Variants in OSBPL3 observed in about 807,000 individuals in gnomAD.
OSBPL3 encodes the protein oxysterol binding protein like 3.
OSBPL3 carries 65 observed loss-of-function variants against 120.1 expected under a neutral mutation model. The ratio of observed to expected loss-of-function variants is 0.54; its 90% CI spans 0.44 to 0.67. The LOEUF is 0.67. Among genes scored for constraint, OSBPL3 ranks in the 30% least tolerant of loss-of-function variants. OSBPL3 has a pLI of 0.00. For synonymous variants in OSBPL3, 416 were observed against 402.6 expected, an observed-to-expected ratio of 1.03 and a Z score of -0.40; for missense variants, 1,004 against 1,082.1, an observed-to-expected ratio of 0.93 and a Z score of 1.01.
Position 24,851,692 on chromosome 7 carries a change from T to C in OSBPL3, c.1158+812A>G, listed in dbSNP as rs533893786. Reference sequence around the variant, plus strand: ...AGAAAAGAGTAAAAGCAAATCAGTATGCTATTTCAAAAGTTCTCTAGCCTC... The same window carrying C: ...AGAAAAGAGTAAAAGCAAATCAGTACGCTATTTCAAAAGTTCTCTAGCCTC... On this transcript the variant is annotated intron_variant, in intron 11 of 22. Transcript: ENST00000313367. This position sits in a 1 kb window ranked among gnomAD's most constrained non-coding sequence, Gnocchi z 4.1. 6.6e-6 allele frequency among the ~76,000 whole-genome samples: 1 copy of C among 151,814 alleles called. No individual in the cohort carries two copies. Among genetic ancestry groups the C allele is most frequent in the African/African-American group, 2.4e-5 (1 of 41,324 alleles).
chr7:24,835,080 A>T lies in OSBPL3; in HGVS notation c.1496-344T>A, dbSNP rs1473358689. 6.6e-6 allele frequency among the ~76,000 whole-genome samples: 1 copy of T among 152,230 alleles called. No individual in the cohort carries two copies. The highest frequency in any genetic ancestry group is 1.5e-5 in the Non-Finnish European group (1 of 68,036). On this transcript the variant is annotated intron_variant, in intron 14 of 22. Transcript: ENST00000313367. This position sits in a 1 kb window ranked among gnomAD's most constrained non-coding sequence, Gnocchi z 4.8. ...TAAAAACTTGTAAACTTTTTAAAAA[A>T]TCACTTTAAATTCTGGTAAAACAAT...
Position 24,966,355 on chromosome 7 carries a change from T to C in OSBPL3, c.-150+13531A>G, listed in dbSNP as rs1425756743. 6.6e-6 allele frequency among the ~76,000 whole-genome samples: 1 copy of C among 152,184 alleles called. No individual in the cohort carries two copies. Among genetic ancestry groups the C allele is most frequent in the Non-Finnish European group, 1.5e-5 (1 of 68,040 alleles). ...GGCAGTCATCTAATATAAAGATCTATCTACACCTAGCTACACACACCCAGG... is the reference window on the plus strand; with the variant it reads ...GGCAGTCATCTAATATAAAGATCTACCTACACCTAGCTACACACACCCAGG... On this transcript the variant is annotated intron_variant, in intron 1 of 22. Coordinates refer to ENST00000313367, the MANE Select transcript of OSBPL3 (RefSeq NM_015550.4). The surrounding 1 kb of genome is among the most constrained non-coding windows in gnomAD (Gnocchi z 4.8).
Position 24,952,820 on chromosome 7 carries a change from T to C in OSBPL3, c.-150+27066A>G, listed in dbSNP as rs1365816761. ...AAATATTTCCCTACCCAATTCCCTA[T>C]CAACCCCGCTTCCCCTCCCCAATCT... is the stretch of plus-strand genomic sequence containing the variant. On this transcript the variant is annotated intron_variant, in intron 1 of 22. Coordinates refer to ENST00000313367, the MANE Select transcript of OSBPL3 (RefSeq NM_015550.4). This position sits in a 1 kb window ranked among gnomAD's most constrained non-coding sequence, Gnocchi z 4.4. Among the ~76,000 whole-genome samples the C allele has an allele frequency of 6.6e-6, 1 of 152,136 alleles. No homozygotes were observed. The highest frequency in any genetic ancestry group is 2.4e-5 in the African/African-American group (1 of 41,432).
At position 24,806,828 on chromosome 7, in the gene OSBPL3, A is replaced by G; in HGVS notation, c.2392T>C (p.Ser798Pro). Residue 798 changes from serine to proline, a missense_variant, in exon 21 of 23, where the codon TCA becomes CCA. Ser to Pro is a moderately conservative substitution (Grantham distance 74). Coordinates refer to ENST00000313367, the MANE Select transcript of OSBPL3 (RefSeq NM_015550.4). This position sits in a 1 kb window ranked among gnomAD's most constrained non-coding sequence, Gnocchi z 5.2. Reference protein sequence around the residue: ...FALELNEMDPSSKSLLPPTDT... With the variant: ...FALELNEMDPPSKSLLPPTDT... ...GTAGGTGGCAATAAAGACTTTGATG[A>G]TGGATCCATTTCATTTAATTCCAGC... The G allele has an allele frequency of 6.2e-7, 1 of 1,613,800 alleles. No homozygotes were observed. The highest frequency in any genetic ancestry group is 1.1e-5 in the South Asian group (1 of 91,068).
chr7:24,904,282 T>A (rs527976164), intron 1 of OSBPL3, among the ~76,000 whole-genome samples: 1 of 152,092 alleles, frequency 6.6e-6, no homozygotes, highest in Non-Finnish European at 1.5e-5. Flanking sequence ...AAAAGTACAG[T>A]TGAAATGTTA....
At chr7:24,842,493 A>G in intron 12 of OSBPL3, 80 bp from the exon 13 acceptor site, 1 of 1,104,818 alleles carries the variant, frequency 9.1e-7, no homozygotes, top group Middle Eastern at 2.3e-4. Context: ...TAGTTGTACA[A>G]TACACAAGGT....
intron 1 of OSBPL3, among the ~76,000 whole-genome samples, chr7:24,942,270 AAC>A (rs1813192006): frequency 6.6e-6 from 1 of 152,194 alleles, no homozygotes; most frequent in African/African-American, 2.4e-5. Context: ...AGTCAATCTA[AAC>A]ATAGGTATTC....
rs905582011 is a variant in OSBPL3, at chr7:24,930,465, T to C, written c.-149-37844A>G. Among the ~76,000 whole-genome samples the C allele has an allele frequency of 1.3e-5, 2 of 152,200 alleles. No homozygotes were observed. The highest frequency in any genetic ancestry group is 4.8e-5 in the African/African-American group (2 of 41,448). ...ATGCCAAGAAAAAAAAAGTAAACTT[T>C]TTATTGCTGACAGCAAAAAAGACAC... On this transcript the variant is annotated intron_variant, in intron 1 of 22. Transcript: ENST00000313367. The surrounding 1 kb of genome is among the most constrained non-coding windows in gnomAD (Gnocchi z 4.4).
In OSBPL3 at chr7:24,900,691, G is replaced by T. The variant is rs2128375985; in HGVS notation, c.-149-8070C>A. ...ACTAAAAGACAGAGTTGGCTGGCCA[G>T]GCGTGGTGGCTCATGCCTGTAATCC... On this transcript the variant is annotated intron_variant, in intron 1 of 22. Coordinates refer to ENST00000313367, the MANE Select transcript of OSBPL3 (RefSeq NM_015550.4). The surrounding 1 kb of genome is among the most constrained non-coding windows in gnomAD (Gnocchi z 4.5). Among the ~76,000 whole-genome samples the T allele has an allele frequency of 6.6e-6, 1 of 152,334 alleles. No individual in the cohort carries two copies. The highest frequency in any genetic ancestry group is 3.4e-3 in the Middle Eastern group (1 of 294).
At chr7:24,979,766 G>A (rs1372111240) in intron 1 of OSBPL3, 120 bp downstream of exon 1, 2 of 519,650 alleles carry the variant, frequency 3.8e-6, no homozygotes, top group South Asian at 8.0e-5. Flanking sequence ...GGGCGACTCG[G>A]ACAGACCCCG....
At position 24,849,122 on chromosome 7, in the gene OSBPL3, A is replaced by G. The variant is rs768410231; in HGVS notation, c.1213T>C (p.Ser405Pro). Residue 405 changes from serine to proline, a missense_variant, in exon 12 of 23, where the codon TCT becomes CCT. Physicochemically the swap from Ser to Pro is moderately conservative, Grantham distance 74. This residue lies in a region of OSBPL3 where 272 missense variants were observed against 248.8 expected (regional missense o/e 1.09). Transcript: ENST00000313367. The surrounding 1 kb of genome is among the most constrained non-coding windows in gnomAD (Gnocchi z 5.4). The stretch of plus-strand genomic sequence containing the variant: ...ACAGCGGGGGAGTCGAGGAGCAGAG[A>G]CTCGGCATGGATTCTGCGTAAGCGT... ...KERLRRIHAE[S>P]LLLDSPAVAK... The G allele has an allele frequency of 7.4e-6, 12 of 1,614,020 alleles. No homozygotes were observed. Among genetic ancestry groups the G allele is most frequent in the Non-Finnish European group, 1.0e-5 (12 of 1,179,944 alleles).
At position 24,916,236 on chromosome 7, in the gene OSBPL3, T is replaced by C. The variant is rs1442970683; in HGVS notation, c.-149-23615A>G. On this transcript the variant is annotated intron_variant, in intron 1 of 22. Coordinates refer to ENST00000313367, the MANE Select transcript of OSBPL3 (RefSeq NM_015550.4). The surrounding 1 kb of genome is among the most constrained non-coding windows in gnomAD (Gnocchi z 4.9). ...CCCTTTTGTTAAATTCAAGATCAAA[T>C]TGAATGTTTTACTTTTAAAGCCATG... 3.3e-5 allele frequency among the ~76,000 whole-genome samples: 5 copies of C among 152,206 alleles called. No homozygotes were observed. The highest frequency in any genetic ancestry group is 4.1e-4 in the South Asian group (2 of 4,832).
At chr7:24,842,998 T>C (rs1456905562) in intron 12 of OSBPL3, among the ~76,000 whole-genome samples, 1 of 152,224 alleles carries the variant, frequency 6.6e-6, no homozygotes, top group African/African-American at 2.4e-5. Flanking sequence ...CTACAATGAC[T>C]GCAAGGAAAG....
upstream of OSBPL3, among the ~76,000 whole-genome samples, chr7:24,980,393 A>T (rs1375216357): frequency 6.6e-6 from 1 of 151,126 alleles, no homozygotes; most frequent in Non-Finnish European, 1.5e-5. Context: ...GGAACTAGGG[A>T]CCCCGGATTC....
At position 24,933,930 on chromosome 7, in the gene OSBPL3, A is replaced by G. The variant is rs4719785; in HGVS notation, c.-149-41309T>C. Among the ~76,000 whole-genome samples the G allele has an allele frequency of 0.31, 47,739 of 152,086 alleles. 7,665 individuals are homozygous for G. The highest frequency in any genetic ancestry group is 0.42 in the South Asian group (2,044 of 4,812). On this transcript the variant is annotated intron_variant, in intron 1 of 22. Transcript: ENST00000313367. This position sits in a 1 kb window ranked among gnomAD's most constrained non-coding sequence, Gnocchi z 5.1. ...AGATTTGTTGGCATTAAATCAGTTT[A>G]GTCTATAAATACCTTTATAGATGAC...
intron 20 of OSBPL3, 110 bp from the exon 21 acceptor site, chr7:24,807,012 C>T (rs1002395222): frequency 1.2e-6 from 1 of 856,174 alleles, no homozygotes; most frequent in Non-Finnish European, 1.8e-6. Context: ...CTCTCAGCTC[C>T]CTTCCATTTC....
chr7:24,979,695 G>A (rs996162504), intron 1 of OSBPL3, among the ~76,000 whole-genome samples, 191 bp downstream of exon 1: 10 of 152,158 alleles, frequency 6.6e-5, no homozygotes, highest in Non-Finnish European at 1.0e-4. Flanking sequence ...TCCTTCCCCG[G>A]GAGCTGCAGC....
At chr7:24,846,759 G>A (rs141442990) in intron 12 of OSBPL3, among the ~76,000 whole-genome samples, 1 of 152,286 alleles carries the variant, frequency 6.6e-6, no homozygotes, top group East Asian at 1.9e-4. Flanking sequence ...TGGGTAATAC[G>A]TGTGGCTAAA....
At position 24,873,563 on chromosome 7, in the gene OSBPL3, G is replaced by A. The variant is rs1001640281; in HGVS notation, c.97-1494C>T. Among the ~76,000 whole-genome samples, 4 of 151,600 alleles carry A rather than the reference G, an allele frequency of 2.6e-5. No homozygotes were observed. The highest frequency in any genetic ancestry group is 1.3e-4 in the Admixed American group (2 of 15,246). On this transcript the variant is annotated intron_variant, in intron 2 of 22. Coordinates refer to ENST00000313367, the MANE Select transcript of OSBPL3 (RefSeq NM_015550.4). The surrounding 1 kb of genome is among the most constrained non-coding windows in gnomAD (Gnocchi z 4.1). ...CTTCAATGGAAAAAAGCAAAGCTTCGAAAAAAGATCCAGCTTTTAAATTAG... is the reference window on the plus strand; with the variant it reads ...CTTCAATGGAAAAAAGCAAAGCTTCAAAAAAAGATCCAGCTTTTAAATTAG...
Sources: gnomAD v4.1 joint callset for allele counts (sites outside exome capture counted in the v4.1 genomes callset) on GRCh38, gnomAD v4.1.1 for gene constraint, gnomAD v4.1.1 regional missense constraint, Gnocchi (gnomAD v3.1) non-coding constraint, MANE v1.5 for transcripts, NCBI Gene and HGNC (gene_info 2026-07-23, HGNC 2026-07-21) for gene names.